The following SNTG1 variants were observed in gnomAD, a reference collection of about 807,000 sequenced individuals.
SNTG1 encodes the protein syntrophin gamma 1, also known as gamma-1-syntrophin.
Under a neutral mutation model 74.7 loss-of-function variants are expected in SNTG1, and 39 were observed. That is an observed-to-expected ratio of 0.52 (90% CI 0.40 to 0.68). The LOEUF (loss-of-function observed/expected upper bound fraction) is 0.68. Ranked by LOEUF, SNTG1 falls within the 30% of genes least tolerant of loss-of-function variation. The probability of loss-of-function intolerance (pLI) is 0.00; values close to 1 mark genes in which losing one functional copy is unlikely to be tolerated. For missense variants in SNTG1, 685 were observed against 609.5 expected (o/e 1.12, Z -1.30); for synonymous variants, 254 against 217.1 (o/e 1.17, Z -1.49).
chr8:50,463,707 A>G (rs561008784), intron 8 of SNTG1, among the ~76,000 whole-genome samples: 12 of 152,120 alleles, frequency 7.9e-5, no homozygotes, highest in Non-Finnish European at 1.6e-4. Context: ...AGTCGCTAGC[A>G]TTTTCAAAAT....
intron 8 of SNTG1, among the ~76,000 whole-genome samples, chr8:50,463,414 G>A (rs7819889): frequency 0.08 from 12,148 of 152,170 alleles, 1,083 homozygotes; most frequent in African/African-American, 0.22. Context: ...AAACTTGAAA[G>A]TTGAAATTAC....
intron 15 of SNTG1, among the ~76,000 whole-genome samples, chr8:50,685,249 A>G (rs1372606067): frequency 6.6e-6 from 1 of 152,158 alleles, no homozygotes; most frequent in Non-Finnish European, 1.5e-5. Flanking sequence ...TGGTTAATGT[A>G]TTTGTTTCTG....
chr8:50,341,282 G>C (rs1268623658), intron 2 of SNTG1, among the ~76,000 whole-genome samples: 2 of 151,776 alleles, frequency 1.3e-5, no homozygotes, highest in African/African-American at 2.4e-5. Context: ...TTAATATTGT[G>C]GAGTTCAAAC....
intron 2 of SNTG1, among the ~76,000 whole-genome samples, chr8:50,246,132 G>A (rs1326552644): frequency 5.3e-5 from 8 of 150,418 alleles, no homozygotes; most frequent in African/African-American, 1.2e-4. Flanking sequence ...TGCATAAAAT[G>A]TGAAACTATT....
intron 12 of SNTG1, among the ~76,000 whole-genome samples, chr8:50,570,361 C>G (rs997431713): frequency 6.8e-6 from 1 of 147,788 alleles, no homozygotes; most frequent in Non-Finnish European, 1.5e-5. Flanking sequence ...AGGGTTCAAG[C>G]GATTCTCCTG....
intron 13 of SNTG1, among the ~76,000 whole-genome samples, chr8:50,629,345 T>A (rs1405258237): frequency 6.6e-6 from 1 of 152,184 alleles, no homozygotes; most frequent in African/African-American, 2.4e-5. Context: ...GTCATCTCCT[T>A]TATGTTGTAG....
chr8:50,614,329 T>C (rs141487476), intron 13 of SNTG1, among the ~76,000 whole-genome samples: 4 of 152,246 alleles, frequency 2.6e-5, no homozygotes, highest in Non-Finnish European at 5.9e-5. Flanking sequence ...AATATTAAGC[T>C]TGAAATAGTT....
intron 1 of SNTG1, among the ~76,000 whole-genome samples, chr8:50,148,092 G>T (rs1016134737): frequency 6.6e-6 from 1 of 152,036 alleles, no homozygotes; most frequent in African/African-American, 2.4e-5. Flanking sequence ...AAAAATATGC[G>T]TAACATAGCG....
At chr8:50,681,011 G>A (rs912847243) in intron 15 of SNTG1, among the ~76,000 whole-genome samples, 4 of 152,020 alleles carry the variant, frequency 2.6e-5, no homozygotes, top group Non-Finnish European at 5.9e-5. Flanking sequence ...TTTGTTTTAG[G>A]AGAAATGCTT....
At chr8:49,972,560 A>C (rs2129975599) in intron 1 of SNTG1, among the ~76,000 whole-genome samples, 1 of 152,222 alleles carries the variant, frequency 6.6e-6, no homozygotes, top group East Asian at 1.9e-4. Flanking sequence ...AAAAGAAACT[A>C]CCATCAGAGT....
intron 18 of SNTG1, among the ~76,000 whole-genome samples, chr8:50,779,883 A>G (rs2095653564): frequency 1.3e-5 from 2 of 149,670 alleles, no homozygotes; most frequent in South Asian, 4.3e-4. Context: ...TCCCATCAAT[A>G]CCTAATTTAT....
intron 17 of SNTG1, among the ~76,000 whole-genome samples, chr8:50,735,492 T>G (rs2095526042): frequency 1.3e-5 from 2 of 151,328 alleles, no homozygotes; most frequent in Admixed American, 1.3e-4. Context: ...GTATCAATAG[T>G]CAAATCGATC....
chr8:50,373,923 T>A (rs2092323014), intron 2 of SNTG1, among the ~76,000 whole-genome samples: 1 of 152,148 alleles, frequency 6.6e-6, no homozygotes, highest in East Asian at 1.9e-4. Context: ...TCCTCGTTCC[T>A]GGGCCATTAC....
At chr8:50,236,693 G>A (rs191382944) in intron 2 of SNTG1, among the ~76,000 whole-genome samples, 14 of 151,774 alleles carry the variant, frequency 9.2e-5, no homozygotes, top group East Asian at 3.9e-4. Flanking sequence ...CTTGTGATCC[G>A]CCCGCCTTGG....
intron 17 of SNTG1, among the ~76,000 whole-genome samples, chr8:50,720,400 T>C (rs571615031): frequency 6.6e-5 from 10 of 152,210 alleles, no homozygotes; most frequent in Non-Finnish European, 1.5e-4. Context: ...GTCAATTTAT[T>C]TATTGAAGAC....
intron 2 of SNTG1, among the ~76,000 whole-genome samples, chr8:50,262,429 G>A (rs1331652385): frequency 6.6e-6 from 1 of 152,106 alleles, no homozygotes. Context: ...TGTTTGTTTT[G>A]AGACGGAGTG....
chr8:50,531,506 C>T (rs899854059), intron 10 of SNTG1, among the ~76,000 whole-genome samples: 11 of 152,284 alleles, frequency 7.2e-5, no homozygotes, highest in African/African-American at 2.6e-4. Context: ...TGCTCACCTT[C>T]TTCCCTCCCG....
At chr8:50,446,492 C>T (rs1317862221) in intron 5 of SNTG1, among the ~76,000 whole-genome samples, 1 of 151,636 alleles carries the variant, frequency 6.6e-6, no homozygotes, top group Non-Finnish European at 1.5e-5. Context: ...CCAGCCTGGC[C>T]AACGTGTTGA....
intron 12 of SNTG1, among the ~76,000 whole-genome samples, chr8:50,574,982 T>C (rs145259285): frequency 1.3e-5 from 2 of 152,332 alleles, no homozygotes; most frequent in Non-Finnish European, 2.9e-5. Flanking sequence ...CTATTGATGT[T>C]TGATCATATG....
Sources: allele counts gnomAD v4.1 joint callset (sites outside exome capture counted in the v4.1 genomes callset), GRCh38; gene constraint gnomAD v4.1.1; transcripts MANE v1.5; gene names NCBI Gene and HGNC (gene_info 2026-07-23, HGNC 2026-07-21).